The following GRIK4 variants were observed in gnomAD, a reference collection of about 807,000 sequenced individuals.
GRIK4 encodes glutamate receptor ionotropic, kainate 4.
GRIK4 carries 40 observed loss-of-function variants against 104.9 expected under a neutral mutation model. That is an observed-to-expected ratio of 0.38 (90% CI 0.30 to 0.50). The LOEUF (loss-of-function observed/expected upper bound fraction) is 0.50. GRIK4 is among the 20% of genes least tolerant of loss of function. GRIK4 has a pLI of 0.93. For synonymous variants in GRIK4, 485 were observed against 524.9 expected, an observed-to-expected ratio of 0.92 and a Z score of 1.04; for missense variants, 1,047 against 1,308.1, an observed-to-expected ratio of 0.80 and a Z score of 3.08.
intron 1 of GRIK4, among the ~76,000 whole-genome samples, chr11:120,531,784 C>T (rs1243125266): frequency 6.6e-6 from 1 of 152,058 alleles, no homozygotes; most frequent in African/African-American, 2.4e-5. Flanking sequence ...CCATGTTGGC[C>T]AGGCTGGTCT....
intron 1 of GRIK4, among the ~76,000 whole-genome samples, chr11:120,650,778 G>T (rs990364340): frequency 6.6e-6 from 1 of 152,186 alleles, no homozygotes; most frequent in African/African-American, 2.4e-5. Context: ...CATTCGGTAT[G>T]TGTACATGCT....
At chr11:120,753,763 CT>C (rs2135428372) in intron 3 of GRIK4, among the ~76,000 whole-genome samples, 1 of 152,150 alleles carries the variant, frequency 6.6e-6, no homozygotes, top group South Asian at 2.1e-4. Context: ...TCTGTTTTTC[CT>C]TTTTGTTTTG....
At chr11:120,923,264 G>T (rs1943261950) in intron 13 of GRIK4, among the ~76,000 whole-genome samples, 1 of 152,154 alleles carries the variant, frequency 6.6e-6, no homozygotes, top group East Asian at 1.9e-4. Flanking sequence ...GGATGTTGCG[G>T]CCCAAAGCAG....
intron 8 of GRIK4, among the ~76,000 whole-genome samples, chr11:120,845,705 C>A (rs759528532): frequency 4.6e-5 from 7 of 152,022 alleles, no homozygotes; most frequent in Non-Finnish European, 1.0e-4. Context: ...ATCCATCAGC[C>A]AGACAACTTT....
intron 19 of GRIK4, 39 bp from the exon 20 acceptor site, chr11:120,982,067 C>A: frequency 1.6e-6 from 2 of 1,263,446 alleles, no homozygotes; most frequent in South Asian, 2.4e-5. Context: ...TCTTCCTGAT[C>A]TTTTACAATA....
chr11:120,623,854 G>T (rs1008281266), intron 1 of GRIK4, among the ~76,000 whole-genome samples: 2 of 152,124 alleles, frequency 1.3e-5, no homozygotes, highest in African/African-American at 4.8e-5. Context: ...TGCAGCCTGC[G>T]TCCCATCCAG....
At chr11:120,961,435 T>C (rs964908509) in intron 17 of GRIK4, among the ~76,000 whole-genome samples, 1 of 152,218 alleles carries the variant, frequency 6.6e-6, no homozygotes, top group Non-Finnish European at 1.5e-5. Context: ...TATTACTGCA[T>C]AGAATGGGGT....
intron 8 of GRIK4, among the ~76,000 whole-genome samples, chr11:120,840,687 T>G (rs983211345): frequency 2.6e-5 from 4 of 152,232 alleles, no homozygotes; most frequent in African/African-American, 4.8e-5. Context: ...ATAAAATTAC[T>G]GTGCAGAGTC....
chr11:120,514,689 A>T lies in GRIK4; in HGVS notation c.-159+2802A>T, dbSNP rs182705385. Among the ~76,000 whole-genome samples the T allele has an allele frequency of 3.7e-3, 565 of 151,626 alleles. 3 individuals carry two copies. The highest frequency in any genetic ancestry group is 8.2e-3 in the Admixed American group (125 of 15,236). ...CCCTAGACCCAACCAACCACCCCCT[A>T]CCCCAAGTGGGCACTGCCTCTTGCC... On this transcript the variant is annotated intron_variant, in intron 1 of 20. Transcript: ENST00000527524.
intron 1 of GRIK4, among the ~76,000 whole-genome samples, chr11:120,596,901 T>A (rs1171799178): frequency 6.6e-6 from 1 of 152,092 alleles, no homozygotes; most frequent in Non-Finnish European, 1.5e-5. Context: ...ATTTTTGTAT[T>A]TTTAGTAGAG....
At chr11:120,646,055 C>T (rs550276839) in intron 1 of GRIK4, among the ~76,000 whole-genome samples, 23 of 152,150 alleles carry the variant, frequency 1.5e-4, no homozygotes, top group Non-Finnish European at 3.1e-4. Context: ...AACTGATTGT[C>T]GATTAAGGCA....
intron 1 of GRIK4, among the ~76,000 whole-genome samples, chr11:120,568,261 C>T (rs911728472): frequency 2.0e-5 from 3 of 152,220 alleles, no homozygotes; most frequent in Admixed American, 6.5e-5. Context: ...CAAATGTTGC[C>T]TTATAATAAG....
chr11:120,731,173 C>T (rs537737392), intron 3 of GRIK4, among the ~76,000 whole-genome samples: 1 of 151,742 alleles, frequency 6.6e-6, no homozygotes. Context: ...CAGTTTTTCT[C>T]CCTTCAGCAT....
intron 12 of GRIK4, among the ~76,000 whole-genome samples, chr11:120,901,400 T>C (rs1411228755): frequency 2.0e-5 from 3 of 152,110 alleles, no homozygotes; most frequent in Admixed American, 6.5e-5. Flanking sequence ...CTCTAATTTC[T>C]GTTTCCAGCT....
intron 13 of GRIK4, among the ~76,000 whole-genome samples, chr11:120,909,081 A>T (rs1181351428): frequency 6.6e-6 from 1 of 152,254 alleles, no homozygotes; most frequent in Non-Finnish European, 1.5e-5. Flanking sequence ...CAGCCAGAGC[A>T]GACACCATGG....
chr11:120,669,282 G>A (rs1480129729), intron 3 of GRIK4, among the ~76,000 whole-genome samples: 1 of 152,140 alleles, frequency 6.6e-6, no homozygotes, highest in Non-Finnish European at 1.5e-5. Context: ...GCATCCTGAG[G>A]AGAGAGCTCT....
intron 13 of GRIK4, among the ~76,000 whole-genome samples, chr11:120,926,158 T>C (rs1351186560): frequency 1.3e-5 from 2 of 152,164 alleles, no homozygotes; most frequent in East Asian, 3.8e-4. Context: ...TAGGCCTCTC[T>C]GGGCTTTGCC....
chr11:120,670,343 C>G (rs1949993297), intron 3 of GRIK4, among the ~76,000 whole-genome samples: 1 of 152,226 alleles, frequency 6.6e-6, no homozygotes, highest in Admixed American at 6.5e-5. Context: ...GTCCACTGCT[C>G]CAGTCCTCTG....
chr11:120,712,062 C>T (rs943122634), intron 3 of GRIK4, among the ~76,000 whole-genome samples: 15 of 152,372 alleles, frequency 9.8e-5, no homozygotes, highest in African/African-American at 3.1e-4. Flanking sequence ...CGCTGCTTCA[C>T]GCAGCTTACA....
Sources: gnomAD v4.1 joint callset for allele counts (sites outside exome capture counted in the v4.1 genomes callset) on GRCh38, gnomAD v4.1.1 for gene constraint, MANE v1.5 for transcripts, NCBI Gene and HGNC (gene_info 2026-07-23, HGNC 2026-07-21) for gene names.